The following TMEM221 variants were observed in gnomAD, a reference collection of about 807,000 sequenced individuals.
The protein encoded by TMEM221 is transmembrane protein 221, also known as Putative transmembrane protein ENSP00000342162.
A neutral mutation model predicts 10.2 loss-of-function variants in TMEM221; 11 were observed. The observed-to-expected ratio is 1.08, with a 90% CI of 0.68 to 1.79. The LOEUF is 1.79. Among genes scored for constraint, TMEM221 ranks in the 40% most tolerant of loss-of-function variants. The pLI is 0.00. For synonymous variants in TMEM221, 172 were observed against 199.8 expected, an observed-to-expected ratio of 0.86 and a Z score of 1.18; for missense variants, 382 against 417.7, an observed-to-expected ratio of 0.91 and a Z score of 0.75.
In TMEM221 at chr19:17,448,502, T is replaced by G; in HGVS notation, c.-40A>C. Reference sequence around the variant, plus strand: ...CGGGCCGGGGGAAGAGTTGAGGAATTGAAGTGGTTTTAGAGGGCAGGGGAG... The same window carrying G: ...CGGGCCGGGGGAAGAGTTGAGGAATGGAAGTGGTTTTAGAGGGCAGGGGAG... On this transcript the variant is annotated 5_prime_UTR_variant, in exon 1 of 3. Coordinates refer to ENST00000341130, the MANE Select transcript of TMEM221 (RefSeq NM_001190844.2). The surrounding 1 kb of genome is among the most constrained non-coding windows in gnomAD (Gnocchi z 4.7). 7.0e-7 allele frequency: 1 copy of G among 1,418,752 alleles called. No individual in the cohort carries two copies. The highest frequency in any genetic ancestry group is 9.2e-7 in the Non-Finnish European group (1 of 1,087,378). The allele number at this position is 1,418,752 out of a possible 1,614,324, so 87.9% of individuals were successfully genotyped here. A position where few individuals can be genotyped will look rare whatever the true frequency, so the allele number is the denominator to read the frequency against.
chr19:17,438,023 G>T (rs964469590), intron 2 of TMEM221, among the ~76,000 whole-genome samples: 1 of 151,074 alleles, frequency 6.6e-6, no homozygotes, highest in Non-Finnish European at 1.5e-5. Context: ...AGGCTCAGGT[G>T]ATTCTCCCAC....
At chr19:17,447,943 T>C (rs1349886015) in intron 1 of TMEM221, among the ~76,000 whole-genome samples, 200 bp downstream of exon 1, 3 of 151,580 alleles carry the variant, frequency 2.0e-5, no homozygotes, top group Admixed American at 6.6e-5. Context: ...TGCTGCAAAA[T>C]TGAACAAATA....
rs2074963019 is a variant in TMEM221 at position 17,448,617 on chromosome 19, C to T, written c.-155G>A. On this transcript the variant is annotated 5_prime_UTR_variant, in exon 1 of 3. Coordinates refer to ENST00000341130, the MANE Select transcript of TMEM221 (RefSeq NM_001190844.2). This position sits in a 1 kb window ranked among gnomAD's most constrained non-coding sequence, Gnocchi z 4.7. ...AGTTCGGGGACTGGGCTGGGGGTCG[C>T]CAGACGGACGGGGGCTCCGGGGTGC... The T allele has an allele frequency of 2.2e-6, 1 of 454,828 alleles. No homozygotes were observed. Among genetic ancestry groups the T allele is most frequent in the East Asian group, 3.8e-5 (1 of 26,270 alleles). 28.2% of individuals were successfully genotyped at this position (454,828 alleles called of 1,614,324 possible).
rs2144507794 is a variant in TMEM221, at chr19:17,448,316, C to T, written c.147G>A (p.Leu49=). Residue 49 remains leucine (L), a synonymous_variant, in exon 1 of 3, where the codon CTG becomes CTA. Transcript: ENST00000341130. This position sits in a 1 kb window ranked among gnomAD's most constrained non-coding sequence, Gnocchi z 4.7. ...CGGGGCCGGCGCCCAGCTCCTGGCC[C>T]AGCCCCTCGGCGCGCAGCCCCCGCA... ...AELRGLRAEG[L]GQELGAGPGL... is the part of the protein sequence containing the mutation. The T allele has an allele frequency of 3.9e-6, 5 of 1,272,356 alleles. No homozygotes were observed. The highest frequency in any genetic ancestry group is 4.9e-6 in the Non-Finnish European group (5 of 1,010,200). The allele number at this position is 1,272,356 out of a possible 1,614,324, so 78.8% of individuals were successfully genotyped here. A position where few individuals can be genotyped will look rare whatever the true frequency, so the allele number is the denominator to read the frequency against.
chr19:17,448,268 C>T lies in TMEM221; in HGVS notation c.195G>A (p.Gly65=), dbSNP rs1057246643. Reference sequence around the variant, plus strand: ...GCGCGGCGGCCAGCGGCAGCAGCGTCCCGGCCGCGTCCTCTGGCAGCCCGG... The same window carrying T: ...GCGCGGCGGCCAGCGGCAGCAGCGTTCCGGCCGCGTCCTCTGGCAGCCCGG... ...AGPGLPEDAA[G]TLLPLAAALA... is the part of the protein sequence containing the mutation. The change falls in exon 1 of 3, where the codon GGG becomes GGA. Residue 65 remains glycine, a synonymous_variant. Transcript: ENST00000341130. This position sits in a 1 kb window ranked among gnomAD's most constrained non-coding sequence, Gnocchi z 4.7. 44 of 1,244,560 alleles carry T rather than the reference C, an allele frequency of 3.5e-5. No homozygotes were observed. The highest frequency in any genetic ancestry group is 8.6e-5 in the South Asian group (3 of 34,730). 77.1% of individuals were successfully genotyped at this position (1,244,560 alleles called of 1,614,324 possible). A position where few individuals can be genotyped will look rare whatever the true frequency, so the allele number is the denominator to read the frequency against.
At chr19:17,438,086 A>ATTTT (rs71162128) in intron 2 of TMEM221, among the ~76,000 whole-genome samples, 1 of 113,814 alleles carries the variant, frequency 8.8e-6, no homozygotes. Context: ...TGCCTGGCTA[A>ATTTT]TTTTTTTTTT....
In TMEM221 at chr19:17,448,158, C is replaced by T; in HGVS notation, c.305G>A (p.Gly102Glu). ...CGHLGAELAR[G>E]PGPRRSDWFL... is the part of the protein sequence containing the mutation. ...GTCCTCCTACCTCCTGGGGCCAGGC[C>T]CCCGCGCCAGCTCGGCGCCCAGGTG... Residue 102 changes from glycine (G) to glutamate (E), a missense_variant, in exon 1 of 3, where the codon GGG becomes GAG. Transcript: ENST00000341130. This position sits in a 1 kb window ranked among gnomAD's most constrained non-coding sequence, Gnocchi z 4.7. 1 of 1,421,366 alleles carries T rather than the reference C, an allele frequency of 7.0e-7. No homozygotes were observed. The highest frequency in any genetic ancestry group is 9.2e-7 in the Non-Finnish European group (1 of 1,090,550). The allele number at this position is 1,421,366 out of a possible 1,614,324, so 88.0% of individuals were successfully genotyped here.
At chr19:17,447,465 C>A (rs1221556859) in intron 1 of TMEM221, among the ~76,000 whole-genome samples, 1 of 152,184 alleles carries the variant, frequency 6.6e-6, no homozygotes, top group East Asian at 1.9e-4. Context: ...GGGACCCATG[C>A]ATTTCATTGT....
Position 17,448,303 on chromosome 19 carries a change from C to A in TMEM221, c.160G>T (p.Gly54Cys). The A allele has an allele frequency of 1.6e-6, 2 of 1,220,162 alleles. No homozygotes were observed. Among genetic ancestry groups the A allele is most frequent in the Non-Finnish European group, 1.0e-6 (1 of 981,236 alleles). The allele number at this position is 1,220,162 out of a possible 1,614,324, so 75.6% of individuals were successfully genotyped here. The stretch of plus-strand genomic sequence containing the variant: ...TCCTCTGGCAGCCCGGGGCCGGCGC[C>A]CAGCTCCTGGCCCAGCCCCTCGGCG... ...LRAEGLGQEL[G>C]AGPGLPEDAA... The change falls in exon 1 of 3, where the codon GGC (glycine) becomes TGC (cysteine). Residue 54 changes from glycine to cysteine, a missense_variant. Coordinates refer to ENST00000341130, the MANE Select transcript of TMEM221 (RefSeq NM_001190844.2). This position sits in a 1 kb window ranked among gnomAD's most constrained non-coding sequence, Gnocchi z 4.7.
intron 2 of TMEM221, among the ~76,000 whole-genome samples, chr19:17,442,003 G>A (rs1174680925): frequency 6.6e-6 from 1 of 152,042 alleles, no homozygotes; most frequent in Non-Finnish European, 1.5e-5. Context: ...TCAATTTTAC[G>A]CTTAGTGAGG....
intron 1 of TMEM221, among the ~76,000 whole-genome samples, chr19:17,447,605 A>C (rs2074957828): frequency 1.3e-5 from 2 of 152,166 alleles, no homozygotes; most frequent in African/African-American, 4.8e-5. Flanking sequence ...GAGAAACACT[A>C]CCATGTGGGA....
intron 2 of TMEM221, 25 bp downstream of exon 2, chr19:17,445,174 C>T: frequency 6.5e-7 from 1 of 1,529,130 alleles, no homozygotes; most frequent in Non-Finnish European, 8.8e-7. Flanking sequence ...GGGTCCCATG[C>T]CCCACGTTCT....
At chr19:17,445,818 C>G (rs1019794125) in intron 1 of TMEM221, among the ~76,000 whole-genome samples, 2 of 151,910 alleles carry the variant, frequency 1.3e-5, no homozygotes, top group South Asian at 2.1e-4. Context: ...AGTCATCCAT[C>G]CACTCATTCA....
At chr19:17,444,155 C>T (rs1028870077) in intron 2 of TMEM221, among the ~76,000 whole-genome samples, 1 of 138,950 alleles carries the variant, frequency 7.2e-6, no homozygotes, top group Non-Finnish European at 1.5e-5. Context: ...GATCTTGGCT[C>T]ACTGCAACCT....
In TMEM221 at chr19:17,441,325, T is replaced by C. The variant is rs77250687; in HGVS notation, c.406+3874A>G. On this transcript the variant is annotated intron_variant, in intron 2 of 2. Transcript: ENST00000341130. ...TAGTGGTGGTGCATCGTAGGACGTT[T>C]AGCAGCTTTTACCCACTAGATGTCA... Among the ~76,000 whole-genome samples the C allele has an allele frequency of 6.4e-3, 970 of 152,098 alleles. 6 individuals carry two copies. The highest frequency in any genetic ancestry group is 0.011 in the Non-Finnish European group (716 of 67,984).
chr19:17,438,756 CCTGG>C (rs1171578689), intron 2 of TMEM221, among the ~76,000 whole-genome samples: 1 of 151,712 alleles, frequency 6.6e-6, no homozygotes, highest in African/African-American at 2.4e-5. Context: ...CACCACCATG[CCTGG>C]CTAATTTTGT....
Position 17,445,216 on chromosome 19 carries a change from A to G in TMEM221, c.389T>C (p.Ile130Thr). The G allele has an allele frequency of 6.5e-7, 1 of 1,535,892 alleles. No homozygotes were observed. Among genetic ancestry groups the G allele is most frequent in the South Asian group, 1.2e-5 (1 of 84,054 alleles). Residue 130 changes from isoleucine to threonine, a missense_variant, in exon 2 of 3, where the codon ATC (isoleucine) becomes ACC (threonine). Physicochemically the swap from Ile to Thr is moderately conservative, Grantham distance 89. Transcript: ENST00000341130. ...GCACACACCTGCTAAATAGACGGAG[A>G]TCCCACAGCAGAAAAGGCCAAGGGC... is the stretch of plus-strand genomic sequence containing the variant. ...HVALGLFCCG[I>T]SVYLAALSIY...
At position 17,448,162 on chromosome 19, in the gene TMEM221, G is replaced by C; in HGVS notation, c.301C>G (p.Arg101Gly). The C allele has an allele frequency of 7.0e-7, 1 of 1,424,404 alleles. No homozygotes were observed. The highest frequency in any genetic ancestry group is 9.2e-7 in the Non-Finnish European group (1 of 1,092,024). 88.2% of individuals were successfully genotyped at this position (1,424,404 alleles called of 1,614,324 possible). ...LCGHLGAELARGPGPRRSDWF... is the reference protein window; with the variant it reads ...LCGHLGAELAGGPGPRRSDWF... ...TCCTACCTCCTGGGGCCAGGCCCCCGCGCCAGCTCGGCGCCCAGGTGGCCA... is the reference window on the plus strand; with the variant it reads ...TCCTACCTCCTGGGGCCAGGCCCCCCCGCCAGCTCGGCGCCCAGGTGGCCA... Residue 101 changes from arginine (R) to glycine (G), a missense_variant, in exon 1 of 3, where the codon CGG becomes GGG. By Grantham distance (125) the Arg-to-Gly change is moderately radical (BLOSUM62 -2). Coordinates refer to ENST00000341130, the MANE Select transcript of TMEM221 (RefSeq NM_001190844.2). This position sits in a 1 kb window ranked among gnomAD's most constrained non-coding sequence, Gnocchi z 4.7.
intron 2 of TMEM221, among the ~76,000 whole-genome samples, chr19:17,442,614 A>G (rs2074936364): frequency 6.6e-6 from 1 of 151,700 alleles, no homozygotes; most frequent in Non-Finnish European, 1.5e-5. Context: ...TAATTTTTGT[A>G]TACTTAGTAG....
Sources: allele counts gnomAD v4.1 joint callset (sites outside exome capture counted in the v4.1 genomes callset), GRCh38; gene constraint gnomAD v4.1.1; non-coding constraint Gnocchi (gnomAD v3.1); transcripts MANE v1.5; gene names NCBI Gene and HGNC (gene_info 2026-07-23, HGNC 2026-07-21).